The following XRN1 variants were observed in gnomAD, a reference collection of about 807,000 sequenced individuals.
XRN1 encodes the protein 5'-3' exoribonuclease 1.
In XRN1, 67 loss-of-function variants were observed where a neutral mutation model predicts 222.3. The observed-to-expected ratio is 0.30, with a 90% confidence interval of 0.25 to 0.37. The LOEUF is 0.37. Among genes scored for constraint, XRN1 ranks in the 10% least tolerant of loss-of-function variants. The pLI, the probability that XRN1 is intolerant of heterozygous loss-of-function variation, is 1.00. For synonymous variants in XRN1, 643 were observed against 652.4 expected (o/e 0.99, Z 0.22); for missense variants, 1,707 against 2,000.2 (o/e 0.85, Z 2.80).
In XRN1 at chr3:142,426,794, C is replaced by T; in HGVS notation, c.356G>A (p.Gly119Glu). The change falls in exon 3 of 41, where the codon GGA becomes GAA. Residue 119 changes from glycine to glutamate, a missense_variant. Physicochemically the swap from Gly to Glu is moderately conservative, Grantham distance 98 (BLOSUM62 -2). Coordinates refer to ENST00000392981, the MANE Select transcript of XRN1 (RefSeq NM_001282857.2). ...TCTGGCCTCTGTAGGAAGAGTTTCT[C>T]CCTTCTCTATTGCCTTTTTAATTTT... ...EDKIKKAIEK[G>E]ETLPTEARFD... 1 of 1,613,784 alleles carries T rather than the reference C, an allele frequency of 6.2e-7. No individual in the cohort carries two copies. The highest frequency in any genetic ancestry group is 1.7e-4 in the Middle Eastern group (1 of 6,060).
chr3:142,437,855 T>C (rs982142798), intron 1 of XRN1, among the ~76,000 whole-genome samples: 5 of 152,010 alleles, frequency 3.3e-5, no homozygotes, highest in African/African-American at 1.2e-4. Context: ...TAGGATGAAA[T>C]CTAATAATCC....
rs762045860 is a variant in XRN1 at position 142,312,645 on chromosome 3, C to T, written c.4735G>A (p.Ala1579Thr). 2.5e-6 allele frequency: 4 copies of T among 1,613,250 alleles called. No homozygotes were observed. Among genetic ancestry groups the T allele is most frequent in the Admixed American group, 1.7e-5 (1 of 59,982 alleles). The change falls in exon 40 of 41, where the codon GCT becomes ACT. Residue 1579 changes from alanine (A) to threonine (T), a missense_variant. Physicochemically the swap from Ala to Thr is moderately conservative, Grantham distance 58. This residue lies in a region of XRN1 where 473 missense variants were observed against 482.0 expected (regional missense o/e 0.98). Transcript: ENST00000392981. ...TGCACACCCCCTGGTATTCCCCCAG[C>T]CATGGGCATGGTCCCAGAATATAAA... Reference protein sequence around the residue: ...HTLYSGTMPMAGGIPGGVHNQ... With the variant: ...HTLYSGTMPMTGGIPGGVHNQ...
intron 25 of XRN1, among the ~76,000 whole-genome samples, chr3:142,374,428 G>T (rs1433151920): frequency 6.6e-6 from 1 of 151,986 alleles, no homozygotes; most frequent in African/African-American, 2.4e-5. Flanking sequence ...ACACAGATAA[G>T]AAGCAAATGA....
At chr3:142,387,371 T>C (rs1166072856) in intron 20 of XRN1, among the ~76,000 whole-genome samples, 2 of 152,234 alleles carry the variant, frequency 1.3e-5, no homozygotes, top group Non-Finnish European at 2.9e-5. Flanking sequence ...AGGGACTTCC[T>C]TGGATTATGG....
At chr3:142,375,562 TTAAC>T (rs777229749) in intron 25 of XRN1, among the ~76,000 whole-genome samples, 70 of 152,308 alleles carry the variant, frequency 4.6e-4, no homozygotes, top group Non-Finnish European at 7.9e-4. Context: ...AAGAAAAATT[TTAAC>T]TAAAGAGGGC....
At chr3:142,423,524 A>C (rs1233678246) in intron 6 of XRN1, 36 bp downstream of exon 6, 2 of 1,514,584 alleles carry the variant, frequency 1.3e-6, no homozygotes, top group Non-Finnish European at 1.8e-6. Context: ...TCCAGGCGTA[A>C]TTTCTTTCTT....
chr3:142,416,563 A>G (rs2068797034), intron 13 of XRN1, among the ~76,000 whole-genome samples: 1 of 152,216 alleles, frequency 6.6e-6, no homozygotes, highest in African/African-American at 2.4e-5. Context: ...ACCCTCACAT[A>G]ACCATCACTC....
chr3:142,435,024 A>G (rs1158130059), intron 1 of XRN1: 1 of 152,242 alleles, frequency 6.6e-6, no homozygotes, highest in Non-Finnish European at 1.5e-5. Context: ...GTATTGTTTT[A>G]CATATATAGG....
At position 142,376,598 on chromosome 3, in the gene XRN1, T is replaced by C. The variant is rs1306251415; in HGVS notation, c.2716-4A>G. ...GGTTGTACTTTATAGAATATTTCTT[T>C]AAATATAAAAACAAAAAGGTCAATT... On this transcript the variant is annotated splice_region_variant and splice_polypyrimidine_tract_variant and intron_variant, in intron 23 of 40. Transcript: ENST00000392981. 6.3e-7 allele frequency: 1 copy of C among 1,587,324 alleles called. No homozygotes were observed. Among genetic ancestry groups the C allele is most frequent in the Admixed American group, 1.8e-5 (1 of 57,006 alleles).
At chr3:142,402,511 A>G (rs915352648) in intron 18 of XRN1, among the ~76,000 whole-genome samples, 8 of 152,138 alleles carry the variant, frequency 5.3e-5, no homozygotes, top group African/African-American at 1.9e-4. Context: ...CAGGTTTTTC[A>G]TCTGAATCAG....
chr3:142,371,126 T>C, intron 26 of XRN1, 113 bp downstream of exon 26: 1 of 832,494 alleles, frequency 1.2e-6, no homozygotes, highest in Non-Finnish European at 1.8e-6. Context: ...TAAGAACCTG[T>C]CTCAAAAAAA....
chr3:142,331,743 G>A lies in XRN1; in HGVS notation c.4222+632C>T, dbSNP rs115697635. 6.5e-4 allele frequency among the ~76,000 whole-genome samples: 99 copies of A among 152,256 alleles called. 2 individuals carry two copies. Among genetic ancestry groups the A allele is most frequent in the African/African-American group, 2.3e-3 (95 of 41,556 alleles). ...AATCACAAGAAGACATTTAGTGACT[G>A]TAGATCTATTGGTTACATGGTTGTA... On this transcript the variant is annotated intron_variant, in intron 36 of 40. Transcript: ENST00000392981.
intron 2 of XRN1, among the ~76,000 whole-genome samples, chr3:142,431,901 A>ATT (rs1227990653): frequency 1.4e-4 from 5 of 34,600 alleles, no homozygotes; most frequent in South Asian, 5.2e-4. Flanking sequence ...TAATATATAT[A>ATT]TTATATATAT....
At chr3:142,329,316 G>T in intron 37 of XRN1, 118 bp downstream of exon 37, 1 of 639,634 alleles carries the variant, frequency 1.6e-6, no homozygotes, top group Non-Finnish European at 2.4e-6. Context: ...AATCTATGCT[G>T]CTCATAAAGT....
rs374296361 is a variant in XRN1 at position 142,367,470 on chromosome 3, T to C, written c.3205-2104A>G. On this transcript the variant is annotated intron_variant, in intron 27 of 40. Coordinates refer to ENST00000392981, the MANE Select transcript of XRN1 (RefSeq NM_001282857.2). The stretch of plus-strand genomic sequence containing the variant: ...TTTTAACAATGAGGAAATAGAGGTA[T>C]GGAAGGAAAGTTCTACCAGTAATTT... 1.4e-4 allele frequency among the ~76,000 whole-genome samples: 21 copies of C among 152,264 alleles called. No individual in the cohort carries two copies. In the East Asian group the frequency reaches 4.0e-3, roughly 29 times the overall value.
rs192509646 is a variant in XRN1, at chr3:142,400,167, T to C, written c.2207+277A>G. The stretch of plus-strand genomic sequence containing the variant: ...AGAGAAATGTATTTGCTAAGTAATA[T>C]AATGATAACCACTTCTAGAAAAGAA... On this transcript the variant is annotated intron_variant, in intron 19 of 40. Transcript: ENST00000392981. Among the ~76,000 whole-genome samples, 65 of 152,256 alleles carry C rather than the reference T, an allele frequency of 4.3e-4. No homozygotes were observed. In the East Asian group the frequency reaches 0.011, roughly 27 times the overall value.
chr3:142,403,690 G>C lies in XRN1; in HGVS notation c.2087C>G (p.Ala696Gly), dbSNP rs2068232091. 6.2e-7 allele frequency: 1 copy of C among 1,612,656 alleles called. No homozygotes were observed. The highest frequency in any genetic ancestry group is 1.7e-5 in the Admixed American group (1 of 59,970). The part of the protein sequence containing the change: ...ENMMLEILVD[A>G]ESDELTVENV... ...AATACTTACAAGTTCATCTGATTCT[G>C]CATCCACTAAGATTTCCAACATCAT... The change falls in exon 18 of 41, where the codon GCA becomes GGA. Residue 696 changes from alanine to glycine, a missense_variant. By Grantham distance (60) the Ala-to-Gly change is moderately conservative. Coordinates refer to ENST00000392981, the MANE Select transcript of XRN1 (RefSeq NM_001282857.2).
intron 25 of XRN1, among the ~76,000 whole-genome samples, chr3:142,374,989 T>C (rs2067098809): frequency 6.6e-6 from 1 of 152,142 alleles, no homozygotes. Flanking sequence ...GAACATCACA[T>C]AAACACGGAG....
intron 21 of XRN1, among the ~76,000 whole-genome samples, chr3:142,384,271 CAA>C (rs369012282): frequency 9.5e-5 from 5 of 52,692 alleles, no homozygotes; most frequent in Non-Finnish European, 1.1e-4. Context: ...GACTCTGTCT[CAA>C]AAAAAAAAAA....
Sources: allele counts gnomAD v4.1 joint callset (sites outside exome capture counted in the v4.1 genomes callset), GRCh38; gene constraint gnomAD v4.1.1; regional missense constraint gnomAD v4.1.1; transcripts MANE v1.5; gene names NCBI Gene and HGNC (gene_info 2026-07-23, HGNC 2026-07-21).